The following NEO1 variants were observed in gnomAD, a reference collection of about 807,000 sequenced individuals.
The protein encoded by NEO1 is neogenin.
In NEO1, 63 loss-of-function variants were observed where a neutral mutation model predicts 159.7. The observed-to-expected ratio is 0.39, with a 90% CI of 0.32 to 0.49. The LOEUF (loss-of-function observed/expected upper bound fraction) is 0.49, where lower values mean the gene tolerates loss of function less well. NEO1 is among the 20% of genes least tolerant of loss of function. The pLI is 0.85. For missense variants in NEO1, 1,615 were observed against 1,831.0 expected, an observed-to-expected ratio of 0.88 and a Z score of 2.15; for synonymous variants, 633 against 662.0, an observed-to-expected ratio of 0.96 and a Z score of 0.67.
chr15:73,082,229 AGAGTC>A (rs1226600842), intron 1 of NEO1, among the ~76,000 whole-genome samples: 1 of 152,206 alleles, frequency 6.6e-6, no homozygotes, highest in Non-Finnish European at 1.5e-5. Flanking sequence ...CATAATATTT[AGAGTC>A]GAGTCTACTT....
intron 25 of NEO1, 94 bp downstream of exon 25, chr15:73,289,332 T>A (rs1362588477): frequency 9.5e-7 from 1 of 1,049,246 alleles, no homozygotes; most frequent in Non-Finnish European, 1.4e-6. Context: ...CACTTGATTC[T>A]AACACAAAGA....
Position 73,216,840 on chromosome 15 carries a change from G to A in NEO1, c.1292-19507G>A, listed in dbSNP as rs558123361. Among the ~76,000 whole-genome samples the A allele has an allele frequency of 2.6e-5, 4 of 152,326 alleles. No homozygotes were observed. In the South Asian group the frequency reaches 6.2e-4, roughly 24 times the overall value. On this transcript the variant is annotated intron_variant, in intron 7 of 28. Transcript: ENST00000261908. ...GATTCTGGATATTAGCCCTTTGTCA[G>A]ATGAGTAGATTGAGAAAATTTTCTC... is the stretch of plus-strand genomic sequence containing the variant.
At chr15:73,167,472 C>T (rs578110660) in intron 5 of NEO1, among the ~76,000 whole-genome samples, 79 of 152,094 alleles carry the variant, frequency 5.2e-4, no homozygotes, top group African/African-American at 1.7e-3. Context: ...ATGCTGGGGG[C>T]GGGGGAGGCC....
At chr15:73,156,245 C>A (rs2033765209) in intron 5 of NEO1, among the ~76,000 whole-genome samples, 1 of 152,096 alleles carries the variant, frequency 6.6e-6, no homozygotes, top group Non-Finnish European at 1.5e-5. Flanking sequence ...AGTGTTAAAT[C>A]TGTGGATTTT....
chr15:73,282,984 A>G lies in NEO1; in HGVS notation c.3283A>G (p.Ser1095Gly). ...TGCAGGCAGTAACAGCCCTCATGGG[A>G]GCCCCACCTCTCCTCTGGACAGTAA... Reference protein sequence around the residue: ...PMSGSNSPHGSPTSPLDSNML... With the variant: ...PMSGSNSPHGGPTSPLDSNML... The change falls in exon 23 of 29, where the codon AGC becomes GGC. Residue 1095 changes from serine to glycine, a missense_variant. By Grantham distance (56) the Ser-to-Gly change is moderately conservative. This residue lies in a region of NEO1 where 471 missense variants were observed against 498.9 expected (regional missense o/e 0.94). Coordinates refer to ENST00000261908, the MANE Select transcript of NEO1 (RefSeq NM_002499.4). The G allele has an allele frequency of 6.2e-7, 1 of 1,614,098 alleles. No individual in the cohort carries two copies.
rs377573031 is a variant in NEO1, at chr15:73,133,173, G to GTA, written c.879-2705_879-2704dup. Among the ~76,000 whole-genome samples, 524 of 150,544 alleles carry GTA rather than the reference G, an allele frequency of 3.5e-3. 6 individuals carry two copies. The highest frequency in any genetic ancestry group is 9.8e-3 in the African/African-American group (404 of 41,038). On this transcript the variant is annotated intron_variant, in intron 4 of 28. Transcript: ENST00000261908. ...TGAGTGAATAAAGAAATTGTGGTAT[G>GTA]TATATATATATATACGTATATATAT...
At chr15:73,094,114 T>C (rs192672249) in intron 1 of NEO1, among the ~76,000 whole-genome samples, 4 of 152,304 alleles carry the variant, frequency 2.6e-5, no homozygotes, top group Non-Finnish European at 5.9e-5. Context: ...TCCACCTATT[T>C]AAAATGTGCA....
intron 22 of NEO1, 24 bp from the exon 23 acceptor site, chr15:73,282,940 C>T: frequency 6.2e-7 from 1 of 1,611,362 alleles, no homozygotes; most frequent in Non-Finnish European, 8.5e-7. Flanking sequence ...AACCCTAACA[C>T]ATGTACCATT....
intron 7 of NEO1, among the ~76,000 whole-genome samples, chr15:73,229,811 C>A (rs974755457): frequency 6.6e-6 from 1 of 151,828 alleles, no homozygotes; most frequent in Non-Finnish European, 1.5e-5. Flanking sequence ...AGTGGTTTTT[C>A]TTTTTTCTCT....
At chr15:73,144,911 C>G (rs979372651) in intron 5 of NEO1, among the ~76,000 whole-genome samples, 2 of 152,086 alleles carry the variant, frequency 1.3e-5, no homozygotes, top group African/African-American at 4.8e-5. Context: ...ATTAGATTCT[C>G]TTTCTCCTTG....
At chr15:73,184,558 A>G (rs2035808411) in intron 7 of NEO1, among the ~76,000 whole-genome samples, 1 of 152,180 alleles carries the variant, frequency 6.6e-6, no homozygotes, top group Non-Finnish European at 1.5e-5. Context: ...AATTACCAAG[A>G]TGTCCTTCAG....
chr15:73,244,977 A>AAAAAAAAAAAAAAAAAAAAAAAC (rs1555458859), intron 9 of NEO1, among the ~76,000 whole-genome samples: 2 of 111,960 alleles, frequency 1.8e-5, no homozygotes, highest in African/African-American at 2.8e-5. Flanking sequence ...AAAAAAAAAA[A>AAAAAAAAAAAAAAAAAAAAAAAC]AAAAAACAAC....
At chr15:73,187,397 TC>T (rs1359359213) in intron 7 of NEO1, among the ~76,000 whole-genome samples, 20 of 152,146 alleles carry the variant, frequency 1.3e-4, no homozygotes, top group Non-Finnish European at 2.9e-4. Flanking sequence ...TGCCTTTTTT[TC>T]CTCCCACTCC....
At chr15:73,052,405 A>AACCACCCCCC (rs2067484323), upstream of NEO1, 1 of 19,602 alleles carries the variant, frequency 5.1e-5, no homozygotes, top group Non-Finnish European at 1.1e-4. Flanking sequence ...CTGGAGACCG[A>AACCACCCCCC]CCCACCGCCC....
chr15:73,205,383 C>T (rs188085654), intron 7 of NEO1, among the ~76,000 whole-genome samples: 136 of 152,292 alleles, frequency 8.9e-4, no homozygotes, highest in African/African-American at 3.1e-3. Flanking sequence ...TTTCTTTCCT[C>T]TAGCTGGGAT....
chr15:73,092,779 G>A (rs764434101), intron 1 of NEO1, among the ~76,000 whole-genome samples: 5 of 152,060 alleles, frequency 3.3e-5, no homozygotes, highest in African/African-American at 9.7e-5. Context: ...ATTACAGTTA[G>A]TGCAGAGTTC....
In NEO1 at chr15:73,178,489, C is replaced by G. The variant is rs535354474; in HGVS notation, c.1291+62C>G. On this transcript the variant is annotated intron_variant, in intron 7 of 28. Coordinates refer to ENST00000261908, the MANE Select transcript of NEO1 (RefSeq NM_002499.4). Reference sequence around the variant, plus strand: ...TGTGCTTGATGAACAAGCACCCATCCGTCCAAATAACTCATGATTGATAAC... The same window carrying G: ...TGTGCTTGATGAACAAGCACCCATCGGTCCAAATAACTCATGATTGATAAC... 8 of 1,583,306 alleles carry G rather than the reference C, an allele frequency of 5.1e-6. No homozygotes were observed. In the African/African-American group the frequency reaches 9.4e-5, roughly 19 times the overall value.
rs1175824751 is a variant in NEO1 at position 73,148,346 on chromosome 15, C to G, written c.1015+12319C>G. Among the ~76,000 whole-genome samples, 3 of 152,088 alleles carry G rather than the reference C, an allele frequency of 2.0e-5. No individual in the cohort carries two copies. The East Asian group carries it at 5.8e-4, about 29-fold the overall frequency. Reference sequence around the variant, plus strand: ...TTCAATTTTAGTTAGGTTCCCCTTTCTTCATTAAAGAGATGATAGAATTAG... The same window carrying G: ...TTCAATTTTAGTTAGGTTCCCCTTTGTTCATTAAAGAGATGATAGAATTAG... On this transcript the variant is annotated intron_variant, in intron 5 of 28. Transcript: ENST00000261908.
Position 73,260,429 on chromosome 15 carries a change from G to T in NEO1, c.2362G>T (p.Asp788Tyr). Residue 788 changes from aspartate (D) to tyrosine (Y), a missense_variant, in exon 15 of 29, where the codon GAC becomes TAC. Physicochemically the swap from Asp to Tyr is radical, Grantham distance 160. Around this residue, in one of 3 missense-constraint regions of NEO1, gnomAD observed 1,018 missense variants for 1,115.4 expected, o/e 0.91. Transcript: ENST00000261908. ...GSPHAQTIKV[D>Y]YKQRYYTIEN... ...CCCTCATGCCCAGACCATCAAAGTGGACTATAAACAGCGCTATTACACCAT... is the reference window on the plus strand; with the variant it reads ...CCCTCATGCCCAGACCATCAAAGTGTACTATAAACAGCGCTATTACACCAT... The T allele has an allele frequency of 6.2e-7, 1 of 1,613,792 alleles. No individual in the cohort carries two copies. Among genetic ancestry groups the T allele is most frequent in the Non-Finnish European group, 8.5e-7 (1 of 1,179,826 alleles).
Sources: gnomAD v4.1 joint callset for allele counts (sites outside exome capture counted in the v4.1 genomes callset) on GRCh38, gnomAD v4.1.1 for gene constraint, gnomAD v4.1.1 regional missense constraint, MANE v1.5 for transcripts, NCBI Gene and HGNC (gene_info 2026-07-23, HGNC 2026-07-21) for gene names.